Variants in MYOC observed in about 807,000 individuals in gnomAD.
MYOC encodes the protein juvenile-onset open-angle glaucoma 1.
In MYOC, 29 loss-of-function variants were observed where a neutral mutation model predicts 28.2. The ratio of observed to expected loss-of-function variants is 1.03; its 90% confidence interval spans 0.77 to 1.40. The LOEUF (loss-of-function observed/expected upper bound fraction) is 1.40. MYOC is among the 40% of genes most tolerant of loss of function. The pLI, the probability that MYOC is intolerant of heterozygous loss-of-function variation, is 0.00. For synonymous variants in MYOC, 240 were observed against 245.6 expected (o/e 0.98, Z 0.21); for missense variants, 569 against 620.6 (o/e 0.92, Z 0.88).
chr1:171,648,843 C>T (rs1160952312), intron 1 of MYOC, among the ~76,000 whole-genome samples: 1 of 150,546 alleles, frequency 6.6e-6, no homozygotes, highest in East Asian at 1.9e-4. Context: ...CCCGCCACCA[C>T]ACCCGGCTAA....
chr1:171,644,564 C>T (rs1431374805), intron 1 of MYOC, among the ~76,000 whole-genome samples: 3 of 133,406 alleles, frequency 2.2e-5, no homozygotes, highest in Admixed American at 1.6e-4. Context: ...GGCTTTGCAA[C>T]TCTAAAAAAC....
intron 1 of MYOC, among the ~76,000 whole-genome samples, chr1:171,642,606 C>T (rs1329407897): frequency 8.0e-6 from 1 of 125,728 alleles, no homozygotes; most frequent in Non-Finnish European, 1.7e-5. Flanking sequence ...AGAGTGAGAC[C>T]CTGTCTTAAA....
chr1:171,652,063 G>A lies in MYOC; in HGVS notation c.549C>T (p.Gly183=), dbSNP rs771383303. The A allele has an allele frequency of 2.5e-6, 4 of 1,614,034 alleles. No individual in the cohort carries two copies. Among genetic ancestry groups the A allele is most frequent in the African/African-American group, 1.3e-5 (1 of 74,902 alleles). The change falls in exon 1 of 3, where the codon GGC becomes GGT. Residue 183 remains glycine (G), a synonymous_variant. Coordinates refer to ENST00000037502, the MANE Select transcript of MYOC (RefSeq NM_000261.2). The part of the protein sequence containing the change: ...SSQEVARLRR[G]QCPQTRDTAR... The stretch of plus-strand genomic sequence containing the variant: ...CAGTGTCTCGGGTCTGGGGACACTG[G>A]CCCCTTCTCAGCCTTGCTACCTCCT...
At chr1:171,645,873 G>A (rs1020354463) in intron 1 of MYOC, among the ~76,000 whole-genome samples, 22 of 152,196 alleles carry the variant, frequency 1.4e-4, no homozygotes, top group African/African-American at 4.3e-4. Context: ...TGGCCCTTAC[G>A]GCTCTGAGCA....
intron 1 of MYOC, among the ~76,000 whole-genome samples, chr1:171,651,717 A>G (rs1412023813): frequency 6.6e-6 from 1 of 152,214 alleles, no homozygotes; most frequent in African/African-American, 2.4e-5. Flanking sequence ...TACTGCTCAT[A>G]TGCAGACACA....
rs74122905 is a variant in MYOC, at chr1:171,651,599, T to C, written c.604+409A>G. 2.8e-3 allele frequency among the ~76,000 whole-genome samples: 426 copies of C among 152,300 alleles called. 2 individuals are homozygous for C. The highest frequency in any genetic ancestry group is 9.8e-3 in the African/African-American group (406 of 41,562). On this transcript the variant is annotated intron_variant, in intron 1 of 2. Transcript: ENST00000037502. Reference sequence around the variant, plus strand: ...CACTTATTATCATTTCCCAAATCTATTGTAATTTCATAAATAAAGGTCATT... The same window carrying C: ...CACTTATTATCATTTCCCAAATCTACTGTAATTTCATAAATAAAGGTCATT...
chr1:171,636,091 T>C lies in MYOC; in HGVS notation c.1349A>G (p.Asn450Ser), dbSNP rs1356088463. ...ACCTGTGCCTGTGTCATAAGCAAAG[T>C]TGACGGTAGCATCTGCTGAGGTGTA... is the stretch of plus-strand genomic sequence containing the variant. ...SSYTSADATV[N>S]FAYDTGTGIS... The change falls in exon 3 of 3, where the codon AAC becomes AGC. Residue 450 changes from asparagine to serine, a missense_variant. Physicochemically the swap from Asn to Ser is conservative, Grantham distance 46. Coordinates refer to ENST00000037502, the MANE Select transcript of MYOC (RefSeq NM_000261.2). 5.6e-6 allele frequency: 9 copies of C among 1,614,064 alleles called. No homozygotes were observed. The highest frequency in any genetic ancestry group is 1.3e-5 in the African/African-American group (1 of 74,924).
At chr1:171,644,422 A>G (rs1470547159) in intron 1 of MYOC, among the ~76,000 whole-genome samples, 1 of 152,114 alleles carries the variant, frequency 6.6e-6, no homozygotes, top group Non-Finnish European at 1.5e-5. Flanking sequence ...AGGGGTACCT[A>G]CCTACCAGTC....
At chr1:171,649,633 T>TA (rs1258814977) in intron 1 of MYOC, among the ~76,000 whole-genome samples, 1 of 151,606 alleles carries the variant, frequency 6.6e-6, no homozygotes, top group African/African-American at 2.4e-5. Context: ...CTGTCTCTAC[T>TA]AAAAATACAA....
In MYOC at chr1:171,635,869, C is replaced by T; in HGVS notation, c.*56G>A. 6.3e-7 allele frequency: 1 copy of T among 1,594,952 alleles called. No individual in the cohort carries two copies. The highest frequency in any genetic ancestry group is 8.6e-7 in the Non-Finnish European group (1 of 1,167,630). On this transcript the variant is annotated 3_prime_UTR_variant, in exon 3 of 3. Coordinates refer to ENST00000037502, the MANE Select transcript of MYOC (RefSeq NM_000261.2). ...GGCTGGCTCTCCCTTCAGCCTGCTC[C>T]CCCCAGGAGCCCTGAGCATCTCCTT...
intron 1 of MYOC, among the ~76,000 whole-genome samples, chr1:171,642,766 G>C (rs1653107376): frequency 1.3e-5 from 2 of 151,698 alleles, no homozygotes; most frequent in African/African-American, 2.4e-5. Flanking sequence ...CAAATCCACA[G>C]AGCTATTTAT....
At chr1:171,651,959 G>A (rs745737719) in intron 1 of MYOC, 49 bp downstream of exon 1, 54 of 1,613,486 alleles carry the variant, frequency 3.3e-5, no homozygotes, top group Non-Finnish European at 4.1e-5. Context: ...AGGTCACTAC[G>A]AGCCATATCA....
intron 1 of MYOC, among the ~76,000 whole-genome samples, chr1:171,644,617 G>A (rs1653156780): frequency 6.9e-6 from 1 of 145,588 alleles, no homozygotes; most frequent in South Asian, 2.2e-4. Context: ...ATGGTTTGTC[G>A]GCATTTATAG....
intron 1 of MYOC, among the ~76,000 whole-genome samples, chr1:171,650,056 A>G (rs1653315979): frequency 6.6e-6 from 1 of 152,174 alleles, no homozygotes; most frequent in South Asian, 2.1e-4. Flanking sequence ...ATATAATGGG[A>G]TGTTGCCCTT....
intron 1 of MYOC, chr1:171,643,414 T>C (rs1300226848): frequency 6.6e-6 from 1 of 152,442 alleles, no homozygotes; most frequent in Non-Finnish European, 1.5e-5. Context: ...GCCTCGCCGA[T>C]TGCCATGCCT....
rs545930216 is a variant in MYOC, at chr1:171,641,229, A to C, written c.605-2507T>G. Among the ~76,000 whole-genome samples the C allele has an allele frequency of 2.0e-5, 3 of 152,014 alleles. No homozygotes were observed. In the South Asian group the frequency reaches 6.2e-4, roughly 32 times the overall value. ...TGCTCTAAAAAAAAATTATCTTTAC[A>C]AGTTGTTGTACTCACAGAGCCCAAG... is the stretch of plus-strand genomic sequence containing the variant. On this transcript the variant is annotated intron_variant, in intron 1 of 2. Coordinates refer to ENST00000037502, the MANE Select transcript of MYOC (RefSeq NM_000261.2).
intron 1 of MYOC, among the ~76,000 whole-genome samples, chr1:171,646,295 T>C (rs920859237): frequency 1.3e-5 from 2 of 152,154 alleles, no homozygotes; most frequent in Admixed American, 6.6e-5. Flanking sequence ...CTGAATTGTT[T>C]GGATGATTAC....
rs57824969 is a variant in MYOC, at chr1:171,638,715, C to T, written c.612G>A (p.Thr204=). ...AVPPGSREVS[T]WNLDTLAFQE... Reference sequence around the variant, plus strand: ...GGAAGGCCAAAGTGTCCAAATTCCACGTAGAAACTGCATTAAAAGAAAGAG... The same window carrying T: ...GGAAGGCCAAAGTGTCCAAATTCCATGTAGAAACTGCATTAAAAGAAAGAG... The change falls in exon 2 of 3, where the codon ACG becomes ACA. Residue 204 remains threonine, a synonymous_variant. Transcript: ENST00000037502. 45 of 1,613,914 alleles carry T rather than the reference C, an allele frequency of 2.8e-5. 1 individual carries two copies. The highest frequency in any genetic ancestry group is 2.2e-4 in the South Asian group (20 of 91,082).
rs2234929 is a variant in MYOC, at chr1:171,635,976, G to A, written c.1464C>T (p.Ala488=). ...AAGTGACCATGTTCAAGTTGTCCCAGGCAAAGAGCTTCTTCTCCAGGGGGT... is the reference window on the plus strand; with the variant it reads ...AAGTGACCATGTTCAAGTTGTCCCAAGCAAAGAGCTTCTTCTCCAGGGGGT... The part of the protein sequence containing the change: ...DYNPLEKKLF[A]WDNLNMVTYD... Residue 488 remains alanine (A), a synonymous_variant, in exon 3 of 3, where the codon GCC becomes GCT. Coordinates refer to ENST00000037502, the MANE Select transcript of MYOC (RefSeq NM_000261.2). The A allele has an allele frequency of 1.3e-4, 216 of 1,614,142 alleles. No homozygotes were observed. In the East Asian group the frequency reaches 4.0e-3, roughly 30 times the overall value.
Sources: allele counts gnomAD v4.1 joint callset (sites outside exome capture counted in the v4.1 genomes callset), GRCh38; gene constraint gnomAD v4.1.1; transcripts MANE v1.5; gene names NCBI Gene and HGNC (gene_info 2026-07-23, HGNC 2026-07-21).